The following TTC7A variants were observed in gnomAD, a reference collection of about 807,000 sequenced individuals.
The protein encoded by TTC7A is tetratricopeptide repeat protein 7A.
TTC7A carries 110 observed loss-of-function variants against 103.7 expected under a neutral mutation model. That is an observed-to-expected ratio of 1.06 (90% confidence interval 0.91 to 1.24). The LOEUF is 1.24. Among genes scored for constraint, TTC7A ranks in the 50% most tolerant of loss-of-function variants. The pLI, the probability that TTC7A is intolerant of heterozygous loss-of-function variation, is 0.00. For synonymous variants in TTC7A, 521 were observed against 467.9 expected (o/e 1.11, Z -1.47); for missense variants, 1,340 against 1,116.3 (o/e 1.20, Z -2.86).
chr2:46,938,094 A>G (rs1451299270), upstream of TTC7A, among the ~76,000 whole-genome samples: 2 of 152,182 alleles, frequency 1.3e-5, no homozygotes, highest in African/African-American at 4.8e-5. Context: ...AACAAAAACT[A>G]GAATGGGAAA....
intron 11 of TTC7A, among the ~76,000 whole-genome samples, chr2:47,015,911 G>A (rs994996035): frequency 1.1e-4 from 16 of 152,268 alleles, no homozygotes; most frequent in Middle Eastern, 6.8e-3. Flanking sequence ...TTTTTCAGTA[G>A]AGCAGCTAAC....
At chr2:46,961,974 G>A (rs1672421121) in intron 3 of TTC7A, among the ~76,000 whole-genome samples, 1 of 152,198 alleles carries the variant, frequency 6.6e-6, no homozygotes, top group Admixed American at 6.5e-5. Context: ...TGTCTGCAGT[G>A]CTGCCCACTC....
intron 6 of TTC7A, chr2:46,994,112 A>G: frequency 4.1e-6 from 2 of 490,960 alleles, no homozygotes; most frequent in East Asian, 3.5e-5. Context: ...CCTCTTGTCT[A>G]GGAGAGGAGA....
intron 18 of TTC7A, among the ~76,000 whole-genome samples, chr2:47,059,936 C>A (rs1322601532): frequency 1.3e-5 from 2 of 152,128 alleles, no homozygotes; most frequent in Admixed American, 1.3e-4. Flanking sequence ...GTGAGAGGAT[C>A]TCTTGAGCCC....
chr2:46,996,993 T>G (rs768313906), intron 8 of TTC7A, among the ~76,000 whole-genome samples: 12 of 150,838 alleles, frequency 8.0e-5, no homozygotes, highest in East Asian at 1.9e-4. Flanking sequence ...TGTTGTTGTT[T>G]TTTGAGACAG....
chr2:46,954,343 A>G (rs1671658712), intron 2 of TTC7A, among the ~76,000 whole-genome samples: 1 of 152,094 alleles, frequency 6.6e-6, no homozygotes, highest in South Asian at 2.1e-4. Context: ...CCACTGGGCA[A>G]GGGGTTCCGT....
At chr2:47,048,523 C>T (rs1465250758) in intron 16 of TTC7A, among the ~76,000 whole-genome samples, 1 of 152,196 alleles carries the variant, frequency 6.6e-6, no homozygotes, top group African/African-American at 2.4e-5. Context: ...TTAGAAAGGT[C>T]AAGTAGCATT....
rs535644061 is a variant in TTC7A at position 46,942,849 on chromosome 2, G to C, written c.184+1124G>C. 1.3e-3 allele frequency among the ~76,000 whole-genome samples: 205 copies of C among 152,308 alleles called. 1 individual carries two copies. Among genetic ancestry groups the C allele is most frequent in the Admixed American group, 3.0e-3 (46 of 15,292 alleles). ...ATGGGGAGGCAAGAAAGTGATCGGA[G>C]GGCAATTGTTTGTGGGGTTTTTTTG... On this transcript the variant is annotated intron_variant, in intron 1 of 19. Coordinates refer to ENST00000319190, the MANE Select transcript of TTC7A (RefSeq NM_020458.4).
At chr2:46,920,662 AAT>A (rs1309736802) in intron 2 of TTC7A, among the ~76,000 whole-genome samples, 1 of 149,536 alleles carries the variant, frequency 6.7e-6, no homozygotes, top group African/African-American at 2.5e-5. Context: ...AAAAAAAAAA[AAT>A]AGATAAATTT....
chr2:46,956,512 G>GTATCATTAAAAAA, intron 2 of TTC7A: 1 of 284,792 alleles, frequency 3.5e-6, no homozygotes, highest in Non-Finnish European at 6.7e-6. Flanking sequence ...AGTGCCCCCT[G>GTATCATTAAAAAA]GGGCTGCAGT....
intron 11 of TTC7A, among the ~76,000 whole-genome samples, chr2:47,016,380 G>A (rs1442332152): frequency 1.3e-5 from 2 of 152,228 alleles, no homozygotes; most frequent in Non-Finnish European, 2.9e-5. Context: ...ACCTTGGATA[G>A]GTCGCTTCAG....
Position 47,060,984 on chromosome 2 carries a change from C to T in TTC7A, c.2355+13C>T, listed in dbSNP as rs376777040. The T allele has an allele frequency of 4.4e-6, 7 of 1,577,008 alleles. No homozygotes were observed. The highest frequency in any genetic ancestry group is 1.3e-5 in the African/African-American group (1 of 74,368). On this transcript the variant is annotated intron_variant, in intron 19 of 19. Coordinates refer to ENST00000319190, the MANE Select transcript of TTC7A (RefSeq NM_020458.4). ...CATGCATAGCCTGGTGAGTCAGAGCCCCCCGCGCTCCCACCACCTCCTCCC... is the reference window on the plus strand; with the variant it reads ...CATGCATAGCCTGGTGAGTCAGAGCTCCCCGCGCTCCCACCACCTCCTCCC...
intron 2 of TTC7A, among the ~76,000 whole-genome samples, chr2:46,929,472 C>T (rs967336182): frequency 6.6e-5 from 10 of 151,948 alleles, no homozygotes; most frequent in African/African-American, 2.4e-4. Context: ...CAACAGAGCA[C>T]GACCCTGTCT....
At chr2:46,936,906 G>C (rs1180361309), upstream of TTC7A, among the ~76,000 whole-genome samples, 2 of 150,184 alleles carry the variant, frequency 1.3e-5, no homozygotes, top group Non-Finnish European at 3.0e-5. Flanking sequence ...CCAGGCTGGA[G>C]TGCAGTGGCA....
chr2:46,929,278 G>T (rs1189291342), intron 2 of TTC7A, among the ~76,000 whole-genome samples: 1 of 151,918 alleles, frequency 6.6e-6, no homozygotes. Context: ...GAGGCCCACA[G>T]TTCTGAGACC....
chr2:46,967,293 A>G (rs1451999001), intron 3 of TTC7A, among the ~76,000 whole-genome samples: 2 of 152,194 alleles, frequency 1.3e-5, no homozygotes, highest in Admixed American at 6.5e-5. Flanking sequence ...GTACTAAGAC[A>G]CTGTTGTGCA....
rs554647339 is a variant in TTC7A at position 47,075,654 on chromosome 2, G to A, written c.*1731G>A. 1.3e-5 allele frequency: 2 copies of A among 152,462 alleles called. No homozygotes were observed. Among genetic ancestry groups the A allele is most frequent in the Admixed American group, 1.3e-4 (2 of 15,310 alleles). The allele number at this position is 152,462 out of a possible 1,614,324, so 9.4% of individuals were successfully genotyped here. On this transcript the variant is annotated 3_prime_UTR_variant, in exon 20 of 20. Transcript: ENST00000319190. Reference sequence around the variant, plus strand: ...GGAGGGGCTGTTGCAGGATGAGGGAGGCCAGAGAAGGCATCGAAGCCAAGA... The same window carrying A: ...GGAGGGGCTGTTGCAGGATGAGGGAAGCCAGAGAAGGCATCGAAGCCAAGA...
At chr2:47,072,418 C>T (rs1347127483) in intron 19 of TTC7A, among the ~76,000 whole-genome samples, 3 of 152,228 alleles carry the variant, frequency 2.0e-5, no homozygotes, top group African/African-American at 7.2e-5. Flanking sequence ...CTAGGGCTTC[C>T]TGAGCGCCAT....
rs193194383 is a variant in TTC7A, at chr2:47,039,400, A to G, written c.1803-6915A>G. 5.1e-3 allele frequency among the ~76,000 whole-genome samples: 777 copies of G among 152,258 alleles called. 6 individuals carry two copies. The highest frequency in any genetic ancestry group is 9.1e-3 in the Non-Finnish European group (616 of 68,016). Reference sequence around the variant, plus strand: ...TCTGCCAACTTCCCCCACCAGCAAGAGTGGTGTGCTGGGGTGAGCAGCCAG... The same window carrying G: ...TCTGCCAACTTCCCCCACCAGCAAGGGTGGTGTGCTGGGGTGAGCAGCCAG... On this transcript the variant is annotated intron_variant, in intron 15 of 19. Transcript: ENST00000319190.
Sources: allele counts gnomAD v4.1 joint callset (sites outside exome capture counted in the v4.1 genomes callset), GRCh38; gene constraint gnomAD v4.1.1; transcripts MANE v1.5; gene names NCBI Gene and HGNC (gene_info 2026-07-23, HGNC 2026-07-21).